RAD54L2: variants seen among roughly 807,000 people sequenced by gnomAD.
RAD54L2 encodes the protein helicase ARIP4.
Under a neutral mutation model 138.4 loss-of-function variants are expected in RAD54L2, and 27 were observed. That is an observed-to-expected ratio of 0.20 (90% CI 0.14 to 0.27). The LOEUF (loss-of-function observed/expected upper bound fraction) is 0.27. Among genes scored for constraint, RAD54L2 ranks in the 10% least tolerant of loss-of-function variants. The probability of loss-of-function intolerance (pLI) is 1.00; values close to 1 mark genes in which losing one functional copy is unlikely to be tolerated. For synonymous variants in RAD54L2, 644 were observed against 723.2 expected, an observed-to-expected ratio of 0.89 and a Z score of 1.76; for missense variants, 1,396 against 1,890.2, an observed-to-expected ratio of 0.74 and a Z score of 4.85.
intron 3 of RAD54L2, among the ~76,000 whole-genome samples, chr3:51,606,779 T>TTCA (rs1050163498): frequency 1.3e-5 from 2 of 151,874 alleles, no homozygotes; most frequent in Admixed American, 1.3e-4. Flanking sequence ...ACCTCCCGGG[T>TTCA]TCACGCTATT....
chr3:51,590,943 C>G (rs1041775842), intron 3 of RAD54L2, among the ~76,000 whole-genome samples: 5 of 152,170 alleles, frequency 3.3e-5, no homozygotes, highest in Non-Finnish European at 7.3e-5. Flanking sequence ...TGTGAGTGGT[C>G]TGTAAGTTTT....
In RAD54L2 at chr3:51,663,394, G is replaced by A; in HGVS notation, c.4378G>A (p.Asp1460Asn). The change falls in exon 23 of 23, where the codon GAT (aspartate) becomes AAT (asparagine). Residue 1460 changes from aspartate to asparagine, a missense_variant. This residue lies in a region of RAD54L2 where 634 missense variants were observed against 711.2 expected (regional missense o/e 0.89). Coordinates refer to ENST00000684192, the MANE Select transcript of RAD54L2 (RefSeq NM_015106.4). ...SSNDDEDKDD[D>N]VIEVTGK ...CAATGATGATGAGGATAAAGACGAT[G>A]ATGTGATAGAGGTCACTGGGAAATA... The A allele has an allele frequency of 6.2e-7, 1 of 1,613,428 alleles. No individual in the cohort carries two copies. Among genetic ancestry groups the A allele is most frequent in the Non-Finnish European group, 8.5e-7 (1 of 1,179,574 alleles).
At chr3:51,539,203 C>G (rs947315342) in intron 1 of RAD54L2, among the ~76,000 whole-genome samples, 2 of 152,154 alleles carry the variant, frequency 1.3e-5, no homozygotes, top group East Asian at 3.9e-4. Flanking sequence ...TTAACTGTTG[C>G]CCCTCTGCGC....
intron 2 of RAD54L2, among the ~76,000 whole-genome samples, chr3:51,585,283 A>G (rs1051851389): frequency 2.6e-5 from 4 of 152,196 alleles, no homozygotes; most frequent in African/African-American, 9.6e-5. Flanking sequence ...TAATGAGGAC[A>G]TGGCAGTCTG....
chr3:51,574,601 G>C (rs1306596995), intron 2 of RAD54L2, among the ~76,000 whole-genome samples: 1 of 152,164 alleles, frequency 6.6e-6, no homozygotes, highest in Non-Finnish European at 1.5e-5. Flanking sequence ...GGCCAGTGAT[G>C]ATGAGCATTT....
rs71084155 is a variant in RAD54L2 at position 51,657,916 on chromosome 3, CTTTTTTTTTTTTTT to C, written c.3316+261_3316+274del. Among the ~76,000 whole-genome samples the C allele has an allele frequency of 1.9e-4, 17 of 87,444 alleles. 1 individual carries two copies. The highest frequency in any genetic ancestry group is 9.7e-4 in the Admixed American group (6 of 6,170). The allele number at this position is 87,444 out of a possible 152,430, so 57.4% of individuals were successfully genotyped here. Reference sequence around the variant, plus strand: ...TCCCTACATTTCTCTATCTTGCTGTCTTTTTTTTTTTTTTTTTTTTTTTTTTTGAGATGGAGTCT... The same window carrying C: ...TCCCTACATTTCTCTATCTTGCTGTCTTTTTTTTTTTTTGAGATGGAGTCT... On this transcript the variant is annotated intron_variant, in intron 21 of 22. Transcript: ENST00000684192.
At chr3:51,597,809 C>T (rs1310705529) in intron 3 of RAD54L2, among the ~76,000 whole-genome samples, 3 of 152,040 alleles carry the variant, frequency 2.0e-5, no homozygotes, top group Admixed American at 6.6e-5. Context: ...GCCTGGGTGA[C>T]AGAATGCAGT....
rs200135857 is a variant in RAD54L2 at position 51,634,043 on chromosome 3, G to C, written c.1142+8G>C. On this transcript the variant is annotated splice_region_variant and intron_variant, in intron 9 of 22. Coordinates refer to ENST00000684192, the MANE Select transcript of RAD54L2 (RefSeq NM_015106.4). ...CTTGAATGATGAGCACAAGTAGGTG[G>C]CCTGCCCTTTCCTCTCTGCCCCTTT... The C allele has an allele frequency of 6.2e-7, 1 of 1,612,220 alleles. No individual in the cohort carries two copies. Among genetic ancestry groups the C allele is most frequent in the Admixed American group, 1.7e-5 (1 of 59,874 alleles).
rs984531596 is a variant in RAD54L2, at chr3:51,608,708, C to T, written c.139+18149C>T. ...AGGTGTGGCGGCGCACGCCTGCAAT[C>T]CCAGGCACTCGGCAGGCTGAGGCAG... On this transcript the variant is annotated intron_variant, in intron 3 of 22. Transcript: ENST00000684192. Among the ~76,000 whole-genome samples, 15 of 152,308 alleles carry T rather than the reference C, an allele frequency of 9.8e-5. 1 individual carries two copies. In the East Asian group the frequency reaches 2.5e-3, roughly 25 times the overall value.
At chr3:51,644,993 G>A (rs754684416) in intron 16 of RAD54L2, 31 bp from the exon 17 acceptor site, 5 of 1,610,546 alleles carry the variant, frequency 3.1e-6, no homozygotes, top group Non-Finnish European at 4.2e-6. Flanking sequence ...TAAGACTAAA[G>A]GCTCTGTGAT....
Position 51,562,527 on chromosome 3 carries a change from G to C in RAD54L2, c.-55+20877G>C, listed in dbSNP as rs557902493. 4.6e-5 allele frequency among the ~76,000 whole-genome samples: 7 copies of C among 152,214 alleles called. No individual in the cohort carries two copies. The South Asian group carries it at 1.5e-3, about 32-fold the overall frequency. On this transcript the variant is annotated intron_variant, in intron 2 of 22. Coordinates refer to ENST00000684192, the MANE Select transcript of RAD54L2 (RefSeq NM_015106.4). ...TTATAGGCGTGAGCCACTGTGCCCT[G>C]CCATTTTTTGTATTTTTAGTACAGA...
intron 2 of RAD54L2, among the ~76,000 whole-genome samples, chr3:51,555,613 G>A (rs557457715): frequency 2.0e-5 from 3 of 152,128 alleles, no homozygotes; most frequent in South Asian, 2.1e-4. Flanking sequence ...AGCAGAAATC[G>A]CACCACTGCT....
intron 3 of RAD54L2, among the ~76,000 whole-genome samples, chr3:51,624,055 G>A (rs1010150624): frequency 1.7e-4 from 26 of 151,298 alleles, no homozygotes; most frequent in Admixed American, 1.6e-3. Context: ...CAAAAGTCTC[G>A]TAGAGTTATT....
chr3:51,640,707 A>G (rs1701110973), intron 14 of RAD54L2, among the ~76,000 whole-genome samples: 1 of 152,210 alleles, frequency 6.6e-6, no homozygotes, highest in Non-Finnish European at 1.5e-5. Context: ...GATCACTTCT[A>G]AGGACACTGG....
chr3:51,551,903 C>G (rs895597388), intron 2 of RAD54L2, among the ~76,000 whole-genome samples: 7 of 151,962 alleles, frequency 4.6e-5, no homozygotes, highest in African/African-American at 1.7e-4. Flanking sequence ...CAGGCATGTA[C>G]CACCATGCCC....
At chr3:51,584,985 A>G (rs1414584141) in intron 2 of RAD54L2, among the ~76,000 whole-genome samples, 1 of 148,434 alleles carries the variant, frequency 6.7e-6, no homozygotes, top group Non-Finnish European at 1.5e-5. Context: ...TTTTTTTTGT[A>G]GAGGTGGGGT....
At chr3:51,643,463 G>A (rs144337446) in intron 15 of RAD54L2, among the ~76,000 whole-genome samples, 1 of 152,200 alleles carries the variant, frequency 6.6e-6, no homozygotes, top group East Asian at 1.9e-4. Context: ...GGTTAAAAAT[G>A]CAGATTCCTG....
chr3:51,568,574 A>C (rs1405206458), intron 2 of RAD54L2, among the ~76,000 whole-genome samples: 1 of 152,154 alleles, frequency 6.6e-6, no homozygotes, highest in Non-Finnish European at 1.5e-5. Context: ...GAATGTTGCC[A>C]ACTGTTATAG....
Position 51,668,410 on chromosome 3 carries a change from G to A in RAD54L2, c.*4990G>A, listed in dbSNP as rs1459638227. 6.6e-6 allele frequency: 1 copy of A among 152,248 alleles called. No homozygotes were observed. Among genetic ancestry groups the A allele is most frequent in the Non-Finnish European group, 1.5e-5 (1 of 68,076 alleles). 9.4% of individuals were successfully genotyped at this position (152,248 alleles called of 1,614,324 possible). A position where few individuals can be genotyped will look rare whatever the true frequency, so the allele number is the denominator to read the frequency against. On this transcript the variant is annotated 3_prime_UTR_variant, in exon 23 of 23. Transcript: ENST00000684192. ...AGGACGCCCCTGAGGCCTGGGACCT[G>A]TGCCTGGCTTCGAGGAGCATCTGTG...
Sources: gnomAD v4.1 joint callset for allele counts (sites outside exome capture counted in the v4.1 genomes callset) on GRCh38, gnomAD v4.1.1 for gene constraint, gnomAD v4.1.1 regional missense constraint, MANE v1.5 for transcripts, NCBI Gene and HGNC (gene_info 2026-07-23, HGNC 2026-07-21) for gene names.